The following TRIM58 variants were observed in gnomAD, a reference collection of about 807,000 sequenced individuals.
TRIM58 encodes the protein tripartite motif containing 58.
A neutral mutation model predicts 34.1 loss-of-function variants in TRIM58; 38 were observed. The observed-to-expected ratio is 1.12, with a 90% CI of 0.86 to 1.46. TRIM58 has a LOEUF of 1.46. Ranked by LOEUF, TRIM58 falls within the 40% of genes most tolerant of loss-of-function variation. The pLI is 0.00. For missense variants in TRIM58, 677 were observed against 642.0 expected, an observed-to-expected ratio of 1.05 and a Z score of -0.59; for synonymous variants, 273 against 275.7, an observed-to-expected ratio of 0.99 and a Z score of 0.10.
intron 2 of TRIM58, among the ~76,000 whole-genome samples, chr1:247,861,467 G>T (rs771379292): frequency 2.0e-5 from 3 of 152,066 alleles, no homozygotes; most frequent in Non-Finnish European, 2.9e-5. Flanking sequence ...CCCATATCTT[G>T]TGAGGAAAAA....
chr1:247,859,187 C>G (rs1444700706), intron 1 of TRIM58, among the ~76,000 whole-genome samples: 1 of 152,228 alleles, frequency 6.6e-6, no homozygotes. Flanking sequence ...TTCCATAGCT[C>G]TCTTGTCTTA....
chr1:247,873,788 CA>C (rs1356541448), intron 5 of TRIM58, among the ~76,000 whole-genome samples: 1 of 152,116 alleles, frequency 6.6e-6, no homozygotes, highest in Non-Finnish European at 1.5e-5. Flanking sequence ...GGCAACATGG[CA>C]AAACCCCTTC....
intron 5 of TRIM58, among the ~76,000 whole-genome samples, chr1:247,869,558 A>G (rs2103330555): frequency 6.6e-6 from 1 of 152,344 alleles, no homozygotes; most frequent in Admixed American, 6.5e-5. Context: ...TGTAGACCAA[A>G]TATATACTTC....
chr1:247,859,167 T>A (rs922402876), intron 1 of TRIM58, among the ~76,000 whole-genome samples: 5 of 152,138 alleles, frequency 3.3e-5, no homozygotes, highest in Non-Finnish European at 5.9e-5. Flanking sequence ...TCTAGGGCCC[T>A]AAGTTATGTT....
chr1:247,865,229 A>G (rs1663893530), intron 3 of TRIM58, among the ~76,000 whole-genome samples: 1 of 152,292 alleles, frequency 6.6e-6, no homozygotes, highest in East Asian at 1.9e-4. Context: ...AAGGAAATCG[A>G]GACCTTCCTG....
chr1:247,867,642 G>A (rs1663960527), intron 3 of TRIM58, among the ~76,000 whole-genome samples: 1 of 152,082 alleles, frequency 6.6e-6, no homozygotes, highest in Non-Finnish European at 1.5e-5. Flanking sequence ...AGCCGAGATT[G>A]CGCCATTGCA....
chr1:247,858,324 A>G (rs1352901916), intron 1 of TRIM58, among the ~76,000 whole-genome samples: 1 of 152,118 alleles, frequency 6.6e-6, no homozygotes, highest in East Asian at 1.9e-4. Context: ...AAGAAGAAAA[A>G]CAAAATGGGA....
chr1:247,865,325 T>C (rs1347969194), intron 3 of TRIM58, among the ~76,000 whole-genome samples: 2 of 152,136 alleles, frequency 1.3e-5, no homozygotes, highest in Non-Finnish European at 2.9e-5. Context: ...AAATTAATGA[T>C]TTCTGAAAAC....
chr1:247,877,270 T>G lies in TRIM58; in HGVS notation c.*781T>G. The G allele has an allele frequency of 6.6e-6, 1 of 152,194 alleles. No individual in the cohort carries two copies. Among genetic ancestry groups the G allele is most frequent in the East Asian group, 1.9e-4 (1 of 5,192 alleles). The allele number at this position is 152,194 out of a possible 1,614,324, so 9.4% of individuals were successfully genotyped here. ...TCAACTCGTTCTTTAATGCAGATATTTACTAGTTATAAGACCTTAAGGCTG... is the reference window on the plus strand; with the variant it reads ...TCAACTCGTTCTTTAATGCAGATATGTACTAGTTATAAGACCTTAAGGCTG... On this transcript the variant is annotated 3_prime_UTR_variant, in exon 6 of 6. Transcript: ENST00000366481.
At chr1:247,861,565 T>TTA (rs1423004446) in intron 2 of TRIM58, among the ~76,000 whole-genome samples, 1 of 152,044 alleles carries the variant, frequency 6.6e-6, no homozygotes, top group Non-Finnish European at 1.5e-5. Flanking sequence ...ATATAATGTA[T>TTA]TATATAATAT....
Position 247,864,720 on chromosome 1 carries a change from C to T in TRIM58, c.532C>T (p.Gln178Ter). Reference protein sequence around the residue: ...TVIWKEKVEMQRQRFRLEFEK... With the variant: ...TVIWKEKVEM ...GTCACCTCAGGAGAAAGTGGAAATGCAGAGGCAGCGCTTCAGATTGGAGTT... is the reference window on the plus strand; with the variant it reads ...GTCACCTCAGGAGAAAGTGGAAATGTAGAGGCAGCGCTTCAGATTGGAGTT... The change falls in exon 3 of 6, where the codon CAG (glutamine) becomes TAG (stop). Residue 178 changes from glutamine to a stop codon, truncating the protein, a stop_gained. Coordinates refer to ENST00000366481, the MANE Select transcript of TRIM58 (RefSeq NM_015431.4). LOFTEE classifies it high-confidence loss of function. 6.2e-7 allele frequency: 1 copy of T among 1,614,098 alleles called. No homozygotes were observed. The highest frequency in any genetic ancestry group is 8.5e-7 in the Non-Finnish European group (1 of 1,180,016).
At position 247,878,533 on chromosome 1, in the gene TRIM58, G is replaced by A. The variant is rs1659342099; in HGVS notation, c.*2044G>A. On this transcript the variant is annotated 3_prime_UTR_variant, in exon 6 of 6. Transcript: ENST00000366481. ...GTGTCCCTCTTCTTGGTGTTCCACA[G>A]GCCATGTGTGCCCTAGCCCTCGTTC... is the stretch of plus-strand genomic sequence containing the variant. 6.6e-6 allele frequency among the ~76,000 whole-genome samples: 1 copy of A among 152,206 alleles called. No individual in the cohort carries two copies. Among genetic ancestry groups the A allele is most frequent in the South Asian group, 2.1e-4 (1 of 4,834 alleles).
rs569965575 is a variant in TRIM58, at chr1:247,870,323, A to G, written c.871+2260A>G. ...AGCAGTATCAGAGTCACGGCCACCCATAGAGCCTGCACCACCATGCCCAGA... is the reference window on the plus strand; with the variant it reads ...AGCAGTATCAGAGTCACGGCCACCCGTAGAGCCTGCACCACCATGCCCAGA... On this transcript the variant is annotated intron_variant, in intron 5 of 5. Coordinates refer to ENST00000366481, the MANE Select transcript of TRIM58 (RefSeq NM_015431.4). Among the ~76,000 whole-genome samples, 113 of 151,164 alleles carry G rather than the reference A, an allele frequency of 7.5e-4. 1 individual carries two copies. Among genetic ancestry groups the G allele is most frequent in the African/African-American group, 2.6e-3 (107 of 40,770 alleles).
intron 5 of TRIM58, among the ~76,000 whole-genome samples, chr1:247,872,374 T>C (rs1659151489): frequency 2.0e-5 from 3 of 152,300 alleles, no homozygotes; most frequent in African/African-American, 2.4e-5. Context: ...ATTTTTGTTA[T>C]ATACTGAAGG....
intron 5 of TRIM58, among the ~76,000 whole-genome samples, chr1:247,869,836 A>G (rs1226603132): frequency 2.0e-5 from 3 of 152,274 alleles, no homozygotes; most frequent in Non-Finnish European, 2.9e-5. Context: ...TCTAACATTC[A>G]TAGCACAGTG....
chr1:247,878,375 CTG>C lies in TRIM58; in HGVS notation c.*1887_*1888del, dbSNP rs1286286278. 6.6e-6 allele frequency among the ~76,000 whole-genome samples: 1 copy of C among 152,122 alleles called. No homozygotes were observed. The highest frequency in any genetic ancestry group is 1.5e-5 in the Non-Finnish European group (1 of 68,018). On this transcript the variant is annotated 3_prime_UTR_variant, in exon 6 of 6. Transcript: ENST00000366481. Reference sequence around the variant, plus strand: ...TTCTCTTCCAGGGAGATTTTTTCGACTGACATCTTTAACTTACCTTCCAATCA... The same window carrying C: ...TTCTCTTCCAGGGAGATTTTTTCGACACATCTTTAACTTACCTTCCAATCA...
intron 3 of TRIM58, among the ~76,000 whole-genome samples, chr1:247,865,367 C>G (rs1663896115): frequency 6.6e-6 from 1 of 152,224 alleles, no homozygotes. Context: ...AAGCTACACT[C>G]TGCTGGCTGA....
In TRIM58 at chr1:247,876,147, C is replaced by A. The variant is rs759619059; in HGVS notation, c.1119C>A (p.Thr373=). Residue 373 remains threonine, a synonymous_variant, in exon 6 of 6, where the codon ACC becomes ACA. Transcript: ENST00000366481. The stretch of plus-strand genomic sequence containing the variant: ...ACACACTGCCAAGAAAGGGGGAAAC[C>A]ACGCCATCTCCTGAGAATGGGGTCT... ...CQDTLPRKGE[T]TPSPENGVWA... 6.2e-7 allele frequency: 1 copy of A among 1,614,146 alleles called. No homozygotes were observed. The highest frequency in any genetic ancestry group is 8.5e-7 in the Non-Finnish European group (1 of 1,180,014).
At chr1:247,869,444 AG>A (rs1488893057) in intron 5 of TRIM58, among the ~76,000 whole-genome samples, 1 of 152,246 alleles carries the variant, frequency 6.6e-6, no homozygotes, top group African/African-American at 2.4e-5. Context: ...AGCTTACAAA[AG>A]ACACTCTTGT....
Sources: allele counts gnomAD v4.1 joint callset (sites outside exome capture counted in the v4.1 genomes callset), GRCh38; gene constraint gnomAD v4.1.1; transcripts MANE v1.5; gene names NCBI Gene and HGNC (gene_info 2026-07-23, HGNC 2026-07-21).